Variants in CEPT1 observed in about 807,000 individuals in gnomAD.
CEPT1 encodes choline/ethanolamine phosphotransferase 1, also known as choline/ethanolaminephosphotransferase 1.
Under a neutral mutation model 42.6 loss-of-function variants are expected in CEPT1, and 7 were observed. The observed-to-expected ratio is 0.16, with a 90% confidence interval of 0.09 to 0.31. CEPT1 has a LOEUF of 0.31. Ranked by LOEUF, CEPT1 falls within the 10% of genes least tolerant of loss-of-function variation. The pLI, the probability that CEPT1 is intolerant of heterozygous loss-of-function variation, is 1.00. For synonymous variants in CEPT1, 171 were observed against 171.9 expected, an observed-to-expected ratio of 0.99 and a Z score of 0.04; for missense variants, 306 against 502.1, an observed-to-expected ratio of 0.61 and a Z score of 3.73.
chr1:111,154,199 AT>A (rs1655437823), intron 2 of CEPT1, among the ~76,000 whole-genome samples: 1 of 48,556 alleles, frequency 2.1e-5, no homozygotes, highest in Non-Finnish European at 4.1e-5. Context: ...ATTTTATTTT[AT>A]TTTATTTTAT....
chr1:111,147,990 A>G lies in CEPT1; in HGVS notation c.276A>G (p.Gly92=), dbSNP rs748447129. The G allele has an allele frequency of 1.9e-6, 3 of 1,614,168 alleles. No individual in the cohort carries two copies. Among genetic ancestry groups the G allele is most frequent in the Non-Finnish European group, 2.5e-6 (3 of 1,180,000 alleles). The change falls in exon 2 of 9, where the codon GGA becomes GGG. Residue 92 remains glycine, a synonymous_variant. Transcript: ENST00000357172. Reference sequence around the variant, plus strand: ...CCCCAAATCTCATCACCATCATTGGACTGTCAATAAACATCTGTACAACTA... The same window carrying G: ...CCCCAAATCTCATCACCATCATTGGGCTGTCAATAAACATCTGTACAACTA... ...WIAPNLITII[G]LSINICTTIL...
intron 4 of CEPT1, among the ~76,000 whole-genome samples, chr1:111,171,085 G>A (rs1487429536): frequency 1.3e-5 from 2 of 152,312 alleles, no homozygotes; most frequent in Admixed American, 6.5e-5. Context: ...GATGATTAAT[G>A]TGCTTAGCTT....
intron 4 of CEPT1, among the ~76,000 whole-genome samples, chr1:111,171,310 T>C (rs1656401724): frequency 6.6e-6 from 1 of 152,230 alleles, no homozygotes. Flanking sequence ...ATAACTGCCT[T>C]GATCAGGGAG....
chr1:111,152,232 AT>A (rs988887786), intron 2 of CEPT1, among the ~76,000 whole-genome samples: 5 of 151,508 alleles, frequency 3.3e-5, no homozygotes, highest in East Asian at 1.9e-4. Context: ...AACTTGTTAG[AT>A]TTTTTTTTGG....
At chr1:111,183,388 C>G in intron 7 of CEPT1, 74 bp from the exon 8 acceptor site, 2 of 1,491,222 alleles carry the variant, frequency 1.3e-6, no homozygotes, top group Middle Eastern at 1.8e-4. Context: ...GATATCTGAG[C>G]ACAATATGAT....
chr1:111,152,110 C>T (rs1438798277), intron 2 of CEPT1, among the ~76,000 whole-genome samples: 6 of 152,072 alleles, frequency 3.9e-5, no homozygotes, highest in South Asian at 2.1e-4. Flanking sequence ...CAGAAAGAGT[C>T]GTGTCAGATT....
chr1:111,145,237 AACT>A (rs1391889058), intron 1 of CEPT1, among the ~76,000 whole-genome samples: 1 of 152,168 alleles, frequency 6.6e-6, no homozygotes, highest in Non-Finnish European at 1.5e-5. Context: ...GCTGGTCTCG[AACT>A]CCTGACCTCA....
intron 1 of CEPT1, among the ~76,000 whole-genome samples, chr1:111,143,735 T>G (rs1052309265): frequency 1.3e-5 from 2 of 151,974 alleles, no homozygotes; most frequent in Non-Finnish European, 1.5e-5. Context: ...AACTTTTGGG[T>G]TTTTTTGTTT....
At chr1:111,178,434 T>G (rs1455323500) in intron 5 of CEPT1, 1 of 151,850 alleles carries the variant, frequency 6.6e-6, no homozygotes, top group Non-Finnish European at 1.5e-5. Context: ...TACCAAAGAT[T>G]ATAGTTATTG....
At chr1:111,174,074 G>C (rs1306062772) in intron 4 of CEPT1, among the ~76,000 whole-genome samples, 2 of 152,142 alleles carry the variant, frequency 1.3e-5, no homozygotes, top group Non-Finnish European at 2.9e-5. Context: ...TTTGAATCCA[G>C]TAATCTAAGA....
chr1:111,178,426 C>T (rs1656798370), intron 5 of CEPT1: 1 of 151,434 alleles, frequency 6.6e-6, no homozygotes, highest in Non-Finnish European at 1.5e-5. Flanking sequence ...TGAATTTTTA[C>T]CAAAGATTAT....
chr1:111,142,793 C>A (rs1236966911), intron 1 of CEPT1, among the ~76,000 whole-genome samples: 2 of 151,906 alleles, frequency 1.3e-5, no homozygotes, highest in African/African-American at 4.8e-5. Context: ...GGGGAAAGAC[C>A]AAAAAAACAC....
intron 2 of CEPT1, among the ~76,000 whole-genome samples, chr1:111,148,632 T>A (rs1655105404): frequency 6.6e-6 from 1 of 152,228 alleles, no homozygotes; most frequent in Non-Finnish European, 1.5e-5. Flanking sequence ...TAAGAAAGGA[T>A]GCATGCTATT....
chr1:111,182,664 T>G, intron 6 of CEPT1, 135 bp from the exon 7 acceptor site: 1 of 755,568 alleles, frequency 1.3e-6, no homozygotes, highest in Non-Finnish European at 2.1e-6. Context: ...AGTTTGTGAT[T>G]TATAGAAATT....
chr1:111,182,591 C>G (rs570873717), intron 6 of CEPT1: 1 of 581,220 alleles, frequency 1.7e-6, no homozygotes, highest in African/African-American at 1.9e-5. Flanking sequence ...AGCCTGGTCT[C>G]TTAAGTGAAA....
chr1:111,151,136 T>G (rs1655250807), intron 2 of CEPT1, among the ~76,000 whole-genome samples: 2 of 151,046 alleles, frequency 1.3e-5, no homozygotes, highest in South Asian at 2.1e-4. Context: ...TTGTTTTTTT[T>G]TTTTTTTGAG....
intron 5 of CEPT1, among the ~76,000 whole-genome samples, chr1:111,175,511 T>C (rs370953636): frequency 2.6e-5 from 4 of 151,862 alleles, no homozygotes; most frequent in African/African-American, 9.7e-5. Flanking sequence ...AGGTAGGGAG[T>C]AAAATATGGA....
intron 4 of CEPT1, chr1:111,167,320 G>C: frequency 1.0e-6 from 1 of 970,896 alleles, no homozygotes; most frequent in Non-Finnish European, 1.2e-6. Flanking sequence ...GTCACAAACA[G>C]GTTATTAGAA....
intron 2 of CEPT1, among the ~76,000 whole-genome samples, chr1:111,150,713 A>G (rs1655226459): frequency 6.6e-6 from 1 of 152,242 alleles, no homozygotes; most frequent in Non-Finnish European, 1.5e-5. Flanking sequence ...TTATTATAAT[A>G]GTTTAAGCTC....
Sources: allele counts gnomAD v4.1 joint callset (sites outside exome capture counted in the v4.1 genomes callset), GRCh38; gene constraint gnomAD v4.1.1; transcripts MANE v1.5; gene names NCBI Gene and HGNC (gene_info 2026-07-23, HGNC 2026-07-21).